NPEPPS: variants seen among roughly 807,000 people sequenced by gnomAD.
NPEPPS encodes aminopeptidase puromycin sensitive.
In NPEPPS, 14 loss-of-function variants were observed where a neutral mutation model predicts 115.5. The ratio of observed to expected loss-of-function variants is 0.12; its 90% CI spans 0.08 to 0.19. The LOEUF (loss-of-function observed/expected upper bound fraction) is 0.19. Ranked by LOEUF, NPEPPS falls within the 10% of genes least tolerant of loss-of-function variation. The pLI, the probability that NPEPPS is intolerant of heterozygous loss-of-function variation, is 1.00. For synonymous variants in NPEPPS, 285 were observed against 390.6 expected, an observed-to-expected ratio of 0.73 and a Z score of 3.19; for missense variants, 523 against 1,110.8, an observed-to-expected ratio of 0.47 and a Z score of 7.52.
intron 2 of NPEPPS, among the ~76,000 whole-genome samples, chr17:47,562,834 C>A (rs1175673451): frequency 6.7e-6 from 1 of 149,168 alleles, no homozygotes; most frequent in Non-Finnish European, 1.5e-5. Context: ...TTTGTGTTTC[C>A]TTTTTCTGTA....
upstream of NPEPPS, among the ~76,000 whole-genome samples, chr17:47,527,864 G>A (rs1179087042): frequency 1.3e-5 from 2 of 151,248 alleles, no homozygotes; most frequent in Non-Finnish European, 2.9e-5. Context: ...CAGGAGAGTC[G>A]CTTGAACCCG....
At chr17:47,549,717 G>A (rs1909495435) in intron 2 of NPEPPS, among the ~76,000 whole-genome samples, 1 of 144,318 alleles carries the variant, frequency 6.9e-6, no homozygotes. Context: ...GGAGGCGGAA[G>A]TTGCAGTGAG....
chr17:47,576,020 A>G (rs1017487954), intron 3 of NPEPPS, among the ~76,000 whole-genome samples: 6 of 152,206 alleles, frequency 3.9e-5, no homozygotes, highest in African/African-American at 1.4e-4. Context: ...CAAGTGATCT[A>G]TCTGATAATG....
At chr17:47,536,028 G>A (rs1412668221) in intron 1 of NPEPPS, among the ~76,000 whole-genome samples, 1 of 151,776 alleles carries the variant, frequency 6.6e-6, no homozygotes, top group East Asian at 1.9e-4. Flanking sequence ...TAGTGGAGAT[G>A]GGGTTTCACC....
rs1914614900 is a variant in NPEPPS, at chr17:47,622,169, A to G, written c.*249A>G. On this transcript the variant is annotated 3_prime_UTR_variant, in exon 23 of 23. Transcript: ENST00000322157. ...AAATATGATAGTAATAAAATAGAGCATAACGAAACTGTGAAACTTTCTGAA... is the reference window on the plus strand; with the variant it reads ...AAATATGATAGTAATAAAATAGAGCGTAACGAAACTGTGAAACTTTCTGAA... The G allele has an allele frequency of 2.0e-6, 2 of 991,718 alleles. No individual in the cohort carries two copies. The highest frequency in any genetic ancestry group is 3.3e-5 in the African/African-American group (2 of 60,228). The allele number at this position is 991,718 out of a possible 1,614,324, so 61.4% of individuals were successfully genotyped here. A position where few individuals can be genotyped will look rare whatever the true frequency, so the allele number is the denominator to read the frequency against.
intron 1 of NPEPPS, among the ~76,000 whole-genome samples, chr17:47,539,708 C>A (rs1402566744): frequency 2.0e-5 from 3 of 152,084 alleles, no homozygotes; most frequent in Admixed American, 2.0e-4. Context: ...ATATTCTGTG[C>A]CTTTTGCATT....
chr17:47,551,135 C>T (rs1158155047), intron 2 of NPEPPS, among the ~76,000 whole-genome samples: 3 of 152,142 alleles, frequency 2.0e-5, no homozygotes, highest in African/African-American at 7.2e-5. Context: ...GTTCCAAAAC[C>T]TACATTATAT....
At chr17:47,534,748 T>C (rs1908072171) in intron 1 of NPEPPS, among the ~76,000 whole-genome samples, 1 of 151,398 alleles carries the variant, frequency 6.6e-6, no homozygotes, top group South Asian at 2.1e-4. Context: ...TTTGTATTTT[T>C]AGTAGAGATG....
At chr17:47,537,298 G>A (rs570343495) in intron 1 of NPEPPS, among the ~76,000 whole-genome samples, 100 of 152,304 alleles carry the variant, frequency 6.6e-4, no homozygotes, top group Non-Finnish European at 1.3e-3. Flanking sequence ...AAGTATAACA[G>A]TTTTGTATGC....
At chr17:47,551,029 T>A (rs1441832399) in intron 2 of NPEPPS, among the ~76,000 whole-genome samples, 1 of 152,210 alleles carries the variant, frequency 6.6e-6, no homozygotes, top group Non-Finnish European at 1.5e-5. Context: ...GAAGTCAGTA[T>A]CAGTTTCTTG....
At chr17:47,603,725 C>T in intron 15 of NPEPPS, 190 bp from the exon 16 acceptor site, 3 of 453,072 alleles carry the variant, frequency 6.6e-6, no homozygotes, top group Admixed American at 4.0e-5. Flanking sequence ...TTCAAGTTTC[C>T]CTTTTCTTTT....
rs545104523 is a variant in NPEPPS, at chr17:47,540,250, A to T, written c.256-5659A>T. ...TGAAACAAAGCAAGGATACACTAAC[A>T]TTCTATCCTTTAATAACATCAAGTA... On this transcript the variant is annotated intron_variant, in intron 1 of 22. Coordinates refer to ENST00000322157, the MANE Select transcript of NPEPPS (RefSeq NM_006310.4). 4.3e-4 allele frequency among the ~76,000 whole-genome samples: 66 copies of T among 152,106 alleles called. 3 individuals are homozygous for T. In the South Asian group the frequency reaches 0.014, roughly 31 times the overall value.
chr17:47,531,101 C>A, upstream of NPEPPS: 1 of 777,160 alleles, frequency 1.3e-6, no homozygotes, highest in Non-Finnish European at 1.8e-6. Context: ...ACGCAGCCGC[C>A]GCCACCACTT....
chr17:47,603,690 T>C (rs913633970), intron 15 of NPEPPS: 1 of 408,590 alleles, frequency 2.4e-6, no homozygotes, highest in Non-Finnish European at 4.4e-6. Context: ...TTCTTTCTAC[T>C]GTCCCTCACT....
At chr17:47,596,696 T>C (rs1239546489) in intron 13 of NPEPPS, among the ~76,000 whole-genome samples, 2 of 152,264 alleles carry the variant, frequency 1.3e-5, no homozygotes, top group Non-Finnish European at 2.9e-5. Context: ...AAATTTGATA[T>C]AATTCTAAAA....
At chr17:47,612,650 G>C in intron 18 of NPEPPS, 48 bp downstream of exon 18, 1 of 1,391,442 alleles carries the variant, frequency 7.2e-7, no homozygotes, top group East Asian at 2.4e-5. Flanking sequence ...ACATCATTTT[G>C]TGAAGCATGG....
At chr17:47,556,619 G>A (rs964158724) in intron 2 of NPEPPS, among the ~76,000 whole-genome samples, 1 of 152,186 alleles carries the variant, frequency 6.6e-6, no homozygotes, top group African/African-American at 2.4e-5. Context: ...CGGGGTGGCG[G>A]CCGGGCAGAG....
In NPEPPS at chr17:47,531,118, C is replaced by T; in HGVS notation, c.-183C>T. On this transcript the variant is annotated 5_prime_UTR_variant, in exon 1 of 23. Transcript: ENST00000322157. ...GCAGCCGCCGCCACCACTTCCCCCT[C>T]TCCCTCCCTCCTTGCGGGCCCTCCT... The T allele has an allele frequency of 2.4e-6, 2 of 845,842 alleles. No homozygotes were observed. The highest frequency in any genetic ancestry group is 3.2e-6 in the Non-Finnish European group (2 of 624,558). The allele number at this position is 845,842 out of a possible 1,614,324, so 52.4% of individuals were successfully genotyped here.
chr17:47,549,049 T>C (rs1909442769), intron 2 of NPEPPS, among the ~76,000 whole-genome samples: 1 of 152,002 alleles, frequency 6.6e-6, no homozygotes, highest in East Asian at 1.9e-4. Flanking sequence ...TTTAGATACA[T>C]AATATATATT....
Sources: allele counts gnomAD v4.1 joint callset (sites outside exome capture counted in the v4.1 genomes callset), GRCh38; gene constraint gnomAD v4.1.1; transcripts MANE v1.5; gene names NCBI Gene and HGNC (gene_info 2026-07-23, HGNC 2026-07-21).